MSI2: variants seen among roughly 807,000 people sequenced by gnomAD.
The protein encoded by MSI2 is RNA-binding protein Musashi homolog 2.
Under a neutral mutation model 45.6 loss-of-function variants are expected in MSI2, and 17 were observed. The ratio of observed to expected loss-of-function variants is 0.37; its 90% CI spans 0.26 to 0.56. The LOEUF (loss-of-function observed/expected upper bound fraction) is 0.56. Ranked by LOEUF, MSI2 falls within the 20% of genes least tolerant of loss-of-function variation. MSI2 has a pLI of 0.77. For missense variants in MSI2, 293 were observed against 444.2 expected (o/e 0.66, Z 3.06); for synonymous variants, 156 against 158.2 (o/e 0.99, Z 0.11).
rs79156888 is a variant in MSI2 at position 57,375,920 on chromosome 17, G to T, written c.313-25459G>T. ...GCGTTAGCCGATGCTCACTCTGACC[G>T]CCCAGGAGCAGCAGGCTGAGTCAGC... is the stretch of plus-strand genomic sequence containing the variant. On this transcript the variant is annotated intron_variant, in intron 5 of 13. Coordinates refer to ENST00000284073, the MANE Select transcript of MSI2 (RefSeq NM_138962.4). 1.9e-3 allele frequency among the ~76,000 whole-genome samples: 292 copies of T among 152,268 alleles called. 1 individual carries two copies. Among genetic ancestry groups the T allele is most frequent in the African/African-American group, 5.3e-3 (219 of 41,548 alleles).
chr17:57,323,486 C>G (rs1247649977), intron 5 of MSI2, among the ~76,000 whole-genome samples: 1 of 152,256 alleles, frequency 6.6e-6, no homozygotes, highest in Non-Finnish European at 1.5e-5. Flanking sequence ...GTTCCCCATT[C>G]CAGTGGAAGC....
At chr17:57,450,301 A>C (rs886106081) in intron 6 of MSI2, 5 of 144,136 alleles carry the variant, frequency 3.5e-5, no homozygotes, top group Admixed American at 3.4e-4. Flanking sequence ...GAAAGAAAGA[A>C]AGAAAGAAAG....
intron 5 of MSI2, among the ~76,000 whole-genome samples, chr17:57,272,348 G>A (rs1567728472): frequency 6.6e-6 from 1 of 152,136 alleles, no homozygotes; most frequent in South Asian, 2.1e-4. Context: ...CTGGCTGGGC[G>A]GCGTGTCAGG....
intron 6 of MSI2, among the ~76,000 whole-genome samples, chr17:57,470,589 TA>T (rs2085416050): frequency 6.6e-6 from 1 of 152,138 alleles, no homozygotes; most frequent in Non-Finnish European, 1.5e-5. Context: ...ACACTGAATA[TA>T]AAATGAATAG....
At chr17:57,582,596 A>G (rs2088234741) in intron 7 of MSI2, among the ~76,000 whole-genome samples, 1 of 152,206 alleles carries the variant, frequency 6.6e-6, no homozygotes, top group Non-Finnish European at 1.5e-5. Flanking sequence ...ACACCTCACA[A>G]GATAAACAGA....
chr17:57,675,764 C>T (rs1227186696), intron 12 of MSI2, among the ~76,000 whole-genome samples: 2 of 152,162 alleles, frequency 1.3e-5, no homozygotes, highest in Admixed American at 6.5e-5. Context: ...TTCCCATTTG[C>T]GTTCCTTAGC....
intron 5 of MSI2, among the ~76,000 whole-genome samples, chr17:57,313,888 G>C (rs1252672798): frequency 1.3e-5 from 2 of 152,232 alleles, no homozygotes; most frequent in East Asian, 3.8e-4. Flanking sequence ...GGTCCGGGCA[G>C]TGTCCCAGAG....
At chr17:57,413,832 G>T (rs559020135) in intron 6 of MSI2, among the ~76,000 whole-genome samples, 2 of 151,922 alleles carry the variant, frequency 1.3e-5, no homozygotes, top group Non-Finnish European at 2.9e-5. Context: ...CCGCAATGTA[G>T]GACTGTTTAG....
At chr17:57,650,736 C>T (rs1911077372) in intron 10 of MSI2, among the ~76,000 whole-genome samples, 1 of 152,092 alleles carries the variant, frequency 6.6e-6, no homozygotes, top group South Asian at 2.1e-4. Context: ...TAGCATGTTC[C>T]CCCTTTGAAC....
intron 5 of MSI2, among the ~76,000 whole-genome samples, chr17:57,282,705 G>A (rs1909526243): frequency 6.6e-6 from 1 of 151,902 alleles, no homozygotes; most frequent in South Asian, 2.1e-4. Context: ...TGTCACCGTA[G>A]GTAGATGTTC....
At chr17:57,658,204 A>G (rs907600349) in intron 11 of MSI2, among the ~76,000 whole-genome samples, 1 of 152,218 alleles carries the variant, frequency 6.6e-6, no homozygotes, top group Non-Finnish European at 1.5e-5. Flanking sequence ...GGGTAAGGTC[A>G]TGGGGACACC....
chr17:57,442,572 G>A (rs967812043), intron 6 of MSI2, among the ~76,000 whole-genome samples: 2 of 151,878 alleles, frequency 1.3e-5, no homozygotes, highest in African/African-American at 4.8e-5. Flanking sequence ...TGGGTGTTTT[G>A]TTCTCCACTG....
At position 57,529,441 on chromosome 17, in the gene MSI2, A is replaced by T. The variant is rs1417249782; in HGVS notation, c.406-235A>T. On this transcript the variant is annotated intron_variant, in intron 6 of 13. Transcript: ENST00000284073. The surrounding 1 kb of genome is among the most constrained non-coding windows in gnomAD (Gnocchi z 5.3). The stretch of plus-strand genomic sequence containing the variant: ...ACAGAGTGAGACCCTGTCTCAAAAA[A>T]TAAAAAGCAGACACTAAAGGGAACT... Among the ~76,000 whole-genome samples, 1 of 152,200 alleles carries T rather than the reference A, an allele frequency of 6.6e-6. No homozygotes were observed. Among genetic ancestry groups the T allele is most frequent in the East Asian group, 1.9e-4 (1 of 5,196 alleles).
chr17:57,296,272 T>C (rs1372305132), intron 5 of MSI2, among the ~76,000 whole-genome samples: 2 of 152,182 alleles, frequency 1.3e-5, no homozygotes, highest in African/African-American at 4.8e-5. Context: ...ACAAAATTAA[T>C]TTTTTGTTAG....
intron 6 of MSI2, among the ~76,000 whole-genome samples, chr17:57,456,028 C>T (rs549800566): frequency 1.6e-4 from 25 of 152,292 alleles, no homozygotes; most frequent in African/African-American, 4.8e-4. Context: ...CCAGACGCCC[C>T]GCAGAGACAG....
At chr17:57,595,530 C>T (rs1905180214) in intron 7 of MSI2, among the ~76,000 whole-genome samples, 1 of 152,074 alleles carries the variant, frequency 6.6e-6, no homozygotes, top group Non-Finnish European at 1.5e-5. Flanking sequence ...GGAGGGCCCC[C>T]CTTCCTGTGT....
At chr17:57,504,295 G>A (rs566900836) in intron 6 of MSI2, among the ~76,000 whole-genome samples, 8 of 152,250 alleles carry the variant, frequency 5.3e-5, no homozygotes, top group Middle Eastern at 3.4e-3. Flanking sequence ...GCAGCCCCCC[G>A]GGATTCTCCT....
intron 5 of MSI2, among the ~76,000 whole-genome samples, chr17:57,273,875 C>T (rs1038663087): frequency 1.3e-5 from 2 of 152,202 alleles, no homozygotes; most frequent in African/African-American, 4.8e-5. Flanking sequence ...TGATTGTGTT[C>T]ATGGGAAATA....
intron 5 of MSI2, among the ~76,000 whole-genome samples, chr17:57,293,642 C>T (rs1158473529): frequency 6.4e-5 from 8 of 125,902 alleles, no homozygotes; most frequent in African/African-American, 2.0e-4. Flanking sequence ...GAGTTTTGCT[C>T]TTGTTGCCCA....
Sources: gnomAD v4.1 joint callset for allele counts (sites outside exome capture counted in the v4.1 genomes callset) on GRCh38, gnomAD v4.1.1 for gene constraint, Gnocchi (gnomAD v3.1) non-coding constraint, MANE v1.5 for transcripts, NCBI Gene and HGNC (gene_info 2026-07-23, HGNC 2026-07-21) for gene names.